CDCP1: variants seen among roughly 807,000 people sequenced by gnomAD.
CDCP1 encodes the protein CUB domain-containing protein 1.
In CDCP1, 29 loss-of-function variants were observed where a neutral mutation model predicts 60.2. The ratio of observed to expected loss-of-function variants is 0.48; its 90% CI spans 0.36 to 0.66. The LOEUF (loss-of-function observed/expected upper bound fraction) is 0.66. Among genes scored for constraint, CDCP1 ranks in the 30% least tolerant of loss-of-function variants. CDCP1 has a pLI of 0.00. For missense variants in CDCP1, 876 were observed against 1,074.3 expected (o/e 0.82, Z 2.58); for synonymous variants, 387 against 431.1 (o/e 0.90, Z 1.27).
At chr3:45,120,877 G>A (rs1403550085) in intron 1 of CDCP1, among the ~76,000 whole-genome samples, 4 of 147,080 alleles carry the variant, frequency 2.7e-5, no homozygotes, top group African/African-American at 1.0e-4. Context: ...TTTCAGAGTG[G>A]CCTTCCCTGA....
chr3:45,092,712 T>C lies in CDCP1; in HGVS notation c.1627+565A>G, dbSNP rs181397785. Among the ~76,000 whole-genome samples the C allele has an allele frequency of 1.4e-3, 217 of 152,300 alleles. 1 individual carries two copies. Among genetic ancestry groups the C allele is most frequent in the African/African-American group, 4.9e-3 (203 of 41,554 alleles). On this transcript the variant is annotated intron_variant, in intron 6 of 8. Coordinates refer to ENST00000296129, the MANE Select transcript of CDCP1 (RefSeq NM_022842.5). ...TGACTGTGACTTTTAAAGTCAACCA[T>C]GTAGAAGTCACGTTGTGAGCCATTT... is the stretch of plus-strand genomic sequence containing the variant.
At chr3:45,101,870 GAGTGAAACTCC>G (rs1698489744) in intron 4 of CDCP1, among the ~76,000 whole-genome samples, 1 of 130,256 alleles carries the variant, frequency 7.7e-6, no homozygotes, top group Non-Finnish European at 1.6e-5. Flanking sequence ...TGGGCAACAA[GAGTGAAACTCC>G]AGCTCAAAAA....
In CDCP1 at chr3:45,085,596, C is replaced by T. The variant is rs1698173855; in HGVS notation, c.*42G>A. 6.4e-7 allele frequency: 1 copy of T among 1,559,550 alleles called. No homozygotes were observed. Among genetic ancestry groups the T allele is most frequent in the Non-Finnish European group, 8.7e-7 (1 of 1,146,200 alleles). ...GGAACACGGACGGGTGTCTCAGTGC[C>T]CTGCTTTATGAAACTCAGCAAAGCG... On this transcript the variant is annotated 3_prime_UTR_variant, in exon 9 of 9. Transcript: ENST00000296129. This position sits in a 1 kb window ranked among gnomAD's most constrained non-coding sequence, Gnocchi z 4.2.
rs1369486224 is a variant in CDCP1 at position 45,082,780 on chromosome 3, G to A, written c.*2858C>T. 3.3e-5 allele frequency: 5 copies of A among 152,268 alleles called. No individual in the cohort carries two copies. Among genetic ancestry groups the A allele is most frequent in the East Asian group, 1.9e-4 (1 of 5,202 alleles). The allele number at this position is 152,268 out of a possible 1,614,324, so 9.4% of individuals were successfully genotyped here. A position where few individuals can be genotyped will look rare whatever the true frequency, so the allele number is the denominator to read the frequency against. The stretch of plus-strand genomic sequence containing the variant: ...CTTCCTCGTAGGCATGGCAGACCAC[G>A]TGGATGAGCAGTGGGCTGGCATGCA... On this transcript the variant is annotated 3_prime_UTR_variant, in exon 9 of 9. Transcript: ENST00000296129.
At chr3:45,124,450 C>T (rs1023492413) in intron 1 of CDCP1, among the ~76,000 whole-genome samples, 1 of 152,160 alleles carries the variant, frequency 6.6e-6, no homozygotes, top group Non-Finnish European at 1.5e-5. Flanking sequence ...GGGCTGGGCT[C>T]AGCCTAGGCA....
intron 5 of CDCP1, among the ~76,000 whole-genome samples, 158 bp from the exon 6 acceptor site, chr3:45,093,815 G>A (rs2125990688): frequency 6.6e-6 from 1 of 152,260 alleles, no homozygotes; most frequent in South Asian, 2.1e-4. Flanking sequence ...GCTCCTCTGT[G>A]TTCCTTTTCT....
Position 45,092,055 on chromosome 3 carries a change from A to G in CDCP1, c.1628-517T>C, listed in dbSNP as rs917959685. Among the ~76,000 whole-genome samples the G allele has an allele frequency of 4.1e-4, 63 of 152,218 alleles. 1 individual carries two copies. Among genetic ancestry groups the G allele is most frequent in the Admixed American group, 4.1e-3 (63 of 15,282 alleles). ...AGTGATCTGCCTGCCTTGGCCTCCCAAAGAGCCGGGATTATAGGCATGAGC... is the reference window on the plus strand; with the variant it reads ...AGTGATCTGCCTGCCTTGGCCTCCCGAAGAGCCGGGATTATAGGCATGAGC... On this transcript the variant is annotated intron_variant, in intron 6 of 8. Transcript: ENST00000296129.
At chr3:45,105,990 C>T (rs1221407710) in intron 4 of CDCP1, among the ~76,000 whole-genome samples, 5 of 152,132 alleles carry the variant, frequency 3.3e-5, no homozygotes, top group South Asian at 2.1e-4. Context: ...GATGTGGTCA[C>T]GGATGGCCAC....
chr3:45,126,353 G>A (rs1178214119), intron 1 of CDCP1, among the ~76,000 whole-genome samples: 11 of 151,752 alleles, frequency 7.2e-5, no homozygotes. Context: ...TCCAGGAAGT[G>A]GGGAGTCACC....
chr3:45,111,942 A>T, intron 3 of CDCP1, 141 bp downstream of exon 3: 1 of 1,075,278 alleles, frequency 9.3e-7, no homozygotes, highest in Non-Finnish European at 1.3e-6. Flanking sequence ...GACCCATGTC[A>T]CTTATAAGAG....
rs553286831 is a variant in CDCP1 at position 45,107,242 on chromosome 3, T to A, written c.1024+3231A>T. 6.9e-4 allele frequency among the ~76,000 whole-genome samples: 105 copies of A among 152,078 alleles called. 1 individual carries two copies. The highest frequency in any genetic ancestry group is 1.9e-3 in the South Asian group (9 of 4,810). On this transcript the variant is annotated intron_variant, in intron 4 of 8. Coordinates refer to ENST00000296129, the MANE Select transcript of CDCP1 (RefSeq NM_022842.5). ...TTTTTTTTGAGATGGAGTCTTGCTG[T>A]GTTGCCCAGGCTGGAGTGCAGTGGC... is the stretch of plus-strand genomic sequence containing the variant.
At chr3:45,098,195 A>ATTC (rs1698433323) in intron 4 of CDCP1, among the ~76,000 whole-genome samples, 1 of 150,860 alleles carries the variant, frequency 6.6e-6, no homozygotes, top group African/African-American at 2.4e-5. Context: ...AGCCTTTATT[A>ATTC]TTATTATTAT....
intron 1 of CDCP1, among the ~76,000 whole-genome samples, chr3:45,128,867 G>A (rs1559399658): frequency 1.3e-5 from 2 of 152,076 alleles, no homozygotes; most frequent in Non-Finnish European, 2.9e-5. Context: ...ACAGGTGCCC[G>A]CCACCATGCC....
At position 45,091,165 on chromosome 3, in the gene CDCP1, G is replaced by C. The variant is rs1247121826; in HGVS notation, c.1993+8C>G. 1.9e-6 allele frequency: 3 copies of C among 1,603,870 alleles called. No homozygotes were observed. ...ATCACTGTCCCCAAAGACCCTGAAG[G>C]CCCTTACCCACAGTCCTTGGGGTAA... is the stretch of plus-strand genomic sequence containing the variant. On this transcript the variant is annotated splice_region_variant and intron_variant, in intron 7 of 8. Coordinates refer to ENST00000296129, the MANE Select transcript of CDCP1 (RefSeq NM_022842.5). This position sits in a 1 kb window ranked among gnomAD's most constrained non-coding sequence, Gnocchi z 4.8.
At chr3:45,088,376 C>T (rs1698235763) in intron 8 of CDCP1, among the ~76,000 whole-genome samples, 1 of 152,104 alleles carries the variant, frequency 6.6e-6, no homozygotes, top group South Asian at 2.1e-4. Context: ...GTCCCAGTTA[C>T]TCGGGAGGCT....
In CDCP1 at chr3:45,091,270, G is replaced by T; in HGVS notation, c.1896C>A (p.His632Gln). 12 of 1,614,038 alleles carry T rather than the reference G, an allele frequency of 7.4e-6. No individual in the cohort carries two copies. Among genetic ancestry groups the T allele is most frequent in the Non-Finnish European group, 1.0e-5 (12 of 1,180,036 alleles). ...AGATGTTGACCCAGAAGCTGTGATG[G>T]TGGAAGCTTGGCTTGGGGAGCACAT... is the stretch of plus-strand genomic sequence containing the variant. Reference protein sequence around the residue: ...DEDVLPKPSFHHHSFWVNISN... With the variant: ...DEDVLPKPSFQHHSFWVNISN... The change falls in exon 7 of 9, where the codon CAC (histidine) becomes CAA (glutamine). Residue 632 changes from histidine to glutamine, a missense_variant. By Grantham distance (24) the His-to-Gln change is conservative. Coordinates refer to ENST00000296129, the MANE Select transcript of CDCP1 (RefSeq NM_022842.5). The surrounding 1 kb of genome is among the most constrained non-coding windows in gnomAD (Gnocchi z 4.8).
chr3:45,130,834 AC>A (rs1282808306), intron 1 of CDCP1, among the ~76,000 whole-genome samples: 1 of 152,156 alleles, frequency 6.6e-6, no homozygotes, highest in East Asian at 1.9e-4. Flanking sequence ...TAGTATATTT[AC>A]AAAGCTAGCC....
At chr3:45,131,736 G>A (rs1365093276) in intron 1 of CDCP1, among the ~76,000 whole-genome samples, 2 of 152,128 alleles carry the variant, frequency 1.3e-5, no homozygotes, top group Non-Finnish European at 2.9e-5. Flanking sequence ...TCAATGACTA[G>A]AAAACTCAAA....
intron 1 of CDCP1, among the ~76,000 whole-genome samples, chr3:45,121,190 G>A (rs115005552): frequency 0.011 from 1,715 of 152,318 alleles, 14 homozygotes; most frequent in Middle Eastern, 0.017. Flanking sequence ...AAGGGACTAT[G>A]CATCTTTTAA....
Sources: allele counts gnomAD v4.1 joint callset (sites outside exome capture counted in the v4.1 genomes callset), GRCh38; gene constraint gnomAD v4.1.1; non-coding constraint Gnocchi (gnomAD v3.1); transcripts MANE v1.5; gene names NCBI Gene and HGNC (gene_info 2026-07-23, HGNC 2026-07-21).